ALK: variants seen among roughly 807,000 people sequenced by gnomAD.
The protein encoded by ALK is ALK tyrosine kinase receptor.
In ALK, 74 loss-of-function variants were observed where a neutral mutation model predicts 163.1. The ratio of observed to expected loss-of-function variants is 0.45; its 90% CI spans 0.38 to 0.55. The LOEUF is 0.55. ALK is among the 20% of genes least tolerant of loss of function. The pLI is 0.00. For missense variants in ALK, 2,063 were observed against 2,105.3 expected (o/e 0.98, Z 0.39); for synonymous variants, 960 against 843.2 (o/e 1.14, Z -2.40).
At chr2:29,611,545 C>T (rs559417552) in intron 3 of ALK, among the ~76,000 whole-genome samples, 28 of 152,206 alleles carry the variant, frequency 1.8e-4, no homozygotes, top group East Asian at 7.7e-4. Flanking sequence ...GAACTCTTAC[C>T]TTAAGGAAAG....
chr2:29,478,254 A>G (rs1197396295), intron 4 of ALK, among the ~76,000 whole-genome samples: 1 of 152,250 alleles, frequency 6.6e-6, no homozygotes, highest in Non-Finnish European at 1.5e-5. Flanking sequence ...TAGGGGGAGG[A>G]CAACTCTCAC....
At chr2:29,628,903 T>C (rs1352766108) in intron 3 of ALK, among the ~76,000 whole-genome samples, 2 of 152,100 alleles carry the variant, frequency 1.3e-5, no homozygotes, top group African/African-American at 2.4e-5. Context: ...CCACAGAAAA[T>C]GGAGCACACT....
Position 29,392,751 on chromosome 2 carries a change from T to C in ALK, c.1155-8892A>G, listed in dbSNP as rs191070667. On this transcript the variant is annotated intron_variant, in intron 4 of 28. Transcript: ENST00000389048. ...CATAACCACAGTTGTAAGAAAAACA[T>C]AGTAGTAGAAATGTTCTTAACTGGA... 9.9e-5 allele frequency among the ~76,000 whole-genome samples: 15 copies of C among 152,274 alleles called. No homozygotes were observed. The East Asian group carries it at 2.9e-3, about 29-fold the overall frequency.
intron 5 of ALK, among the ~76,000 whole-genome samples, chr2:29,336,009 C>G (rs1412700259): frequency 6.6e-6 from 1 of 152,184 alleles, no homozygotes; most frequent in Non-Finnish European, 1.5e-5. Context: ...CATTGCACTA[C>G]AGCCTGGTGA....
At chr2:29,623,486 T>TAA (rs1676098394) in intron 3 of ALK, among the ~76,000 whole-genome samples, 1 of 152,052 alleles carries the variant, frequency 6.6e-6, no homozygotes, top group East Asian at 1.9e-4. Flanking sequence ...AAATGATAGC[T>TAA]CACTTTAATA....
intron 1 of ALK, among the ~76,000 whole-genome samples, chr2:29,873,532 T>A (rs1666629686): frequency 6.6e-6 from 1 of 151,888 alleles, no homozygotes; most frequent in African/African-American, 2.4e-5. Flanking sequence ...AAGTCAGAGA[T>A]GGGAAGTATA....
intron 4 of ALK, among the ~76,000 whole-genome samples, chr2:29,405,889 G>T (rs1252852806): frequency 6.6e-6 from 1 of 152,166 alleles, no homozygotes; most frequent in Non-Finnish European, 1.5e-5. Flanking sequence ...ATGGATTTCG[G>T]CTGGTTTAGA....
intron 1 of ALK, among the ~76,000 whole-genome samples, chr2:29,833,612 T>C (rs1419086936): frequency 6.6e-6 from 1 of 152,238 alleles, no homozygotes; most frequent in Non-Finnish European, 1.5e-5. Context: ...GGGCACATGC[T>C]TCACAGGCAT....
chr2:29,844,559 G>A (rs1030894147), intron 1 of ALK, among the ~76,000 whole-genome samples: 7 of 152,066 alleles, frequency 4.6e-5, no homozygotes, highest in African/African-American at 1.7e-4. Flanking sequence ...TTTTTCTCTG[G>A]GGTTAGGTCC....
At chr2:29,878,028 C>T (rs942892491) in intron 1 of ALK, among the ~76,000 whole-genome samples, 3 of 152,174 alleles carry the variant, frequency 2.0e-5, no homozygotes, top group African/African-American at 7.2e-5. Flanking sequence ...TCCCATCCAC[C>T]CCAACTTGGG....
In ALK at chr2:29,619,747, A is replaced by G. The variant is rs1675973618; in HGVS notation, c.952+75103T>C. On this transcript the variant is annotated intron_variant, in intron 3 of 28. Transcript: ENST00000389048. ...TCAGAAGCTATCTCCACCCATTTAT[A>G]TTTAAAACCCCTCCTGGGTTGTCAA... is the stretch of plus-strand genomic sequence containing the variant. 2.0e-5 allele frequency among the ~76,000 whole-genome samples: 3 copies of G among 152,310 alleles called. No individual in the cohort carries two copies. In the South Asian group the frequency reaches 6.2e-4, roughly 32 times the overall value.
intron 1 of ALK, among the ~76,000 whole-genome samples, chr2:29,881,205 A>T (rs768248360): frequency 1.3e-5 from 2 of 152,206 alleles, no homozygotes; most frequent in African/African-American, 4.8e-5. Flanking sequence ...CAATCCCTCC[A>T]TTTCCAAAGA....
chr2:29,430,689 C>G (rs970229702), intron 4 of ALK, among the ~76,000 whole-genome samples: 1 of 152,198 alleles, frequency 6.6e-6, no homozygotes, highest in African/African-American at 2.4e-5. Context: ...TGGGCATACC[C>G]AGACTGTGAT....
rs1226427008 is a variant in ALK, at chr2:29,717,355, C to T, written c.787+223G>A. On this transcript the variant is annotated intron_variant, in intron 2 of 28. Transcript: ENST00000389048. ...AGGAGGGATATGGCAGACACAAAGC[C>T]CTTGGCTCCCACCAGGATACAGAAT... 3.3e-5 allele frequency among the ~76,000 whole-genome samples: 5 copies of T among 151,924 alleles called. No individual in the cohort carries two copies. The East Asian group carries it at 5.8e-4, about 18-fold the overall frequency.
intron 7 of ALK, among the ~76,000 whole-genome samples, chr2:29,320,157 C>T (rs73920777): frequency 6.6e-6 from 1 of 152,370 alleles, no homozygotes; most frequent in African/African-American, 2.4e-5. Context: ...GGCTGGCTAT[C>T]TCTTGGCTGC....
intron 3 of ALK, among the ~76,000 whole-genome samples, chr2:29,564,441 AC>A (rs758397410): frequency 2.9e-5 from 3 of 103,868 alleles, no homozygotes; most frequent in South Asian, 2.9e-4. Flanking sequence ...CCCTACCACC[AC>A]CCCCACCGCC....
chr2:29,901,807 C>T (rs1436532706), intron 1 of ALK, among the ~76,000 whole-genome samples: 1 of 152,158 alleles, frequency 6.6e-6, no homozygotes, highest in Non-Finnish European at 1.5e-5. Flanking sequence ...CATTCTCGAT[C>T]ACCTTAATCC....
intron 8 of ALK, among the ~76,000 whole-genome samples, chr2:29,308,383 A>G (rs529529740): frequency 5.3e-5 from 8 of 152,278 alleles, no homozygotes; most frequent in African/African-American, 1.9e-4. Flanking sequence ...ATGTTCTACA[A>G]TGAACATAAA....
intron 25 of ALK, among the ~76,000 whole-genome samples, chr2:29,207,604 A>G (rs1394189468): frequency 2.0e-5 from 3 of 152,226 alleles, no homozygotes; most frequent in African/African-American, 4.8e-5. Context: ...CTCCAACCTT[A>G]TAAGTATAGT....
Sources: allele counts gnomAD v4.1 joint callset (sites outside exome capture counted in the v4.1 genomes callset), GRCh38; gene constraint gnomAD v4.1.1; transcripts MANE v1.5; gene names NCBI Gene and HGNC (gene_info 2026-07-23, HGNC 2026-07-21).